The following MALT1 variants were observed in gnomAD, a reference collection of about 807,000 sequenced individuals.
MALT1 encodes the protein mucosa-associated lymphoid tissue lymphoma translocation protein 1.
MALT1 carries 36 observed loss-of-function variants against 85.5 expected under a neutral mutation model. The ratio of observed to expected loss-of-function variants is 0.42; its 90% CI spans 0.32 to 0.56. The LOEUF (loss-of-function observed/expected upper bound fraction) is 0.56, where lower values mean the gene tolerates loss of function less well. Ranked by LOEUF, MALT1 falls within the 20% of genes least tolerant of loss-of-function variation. The probability of loss-of-function intolerance (pLI) is 0.10; values close to 1 mark genes in which losing one functional copy is unlikely to be tolerated. For synonymous variants in MALT1, 359 were observed against 361.3 expected (o/e 0.99, Z 0.07); for missense variants, 716 against 981.6 (o/e 0.73, Z 3.62).
chr18:58,724,894 C>T (rs1432108369), intron 10 of MALT1, among the ~76,000 whole-genome samples: 2 of 151,996 alleles, frequency 1.3e-5, no homozygotes, highest in Non-Finnish European at 2.9e-5. Context: ...TCTGTAATCC[C>T]AGCACTTTGG....
At chr18:58,710,864 T>C in intron 6 of MALT1, 57 bp from the exon 7 acceptor site, 1 of 1,184,282 alleles carries the variant, frequency 8.4e-7, no homozygotes, top group South Asian at 1.3e-5. Context: ...GCTTGACGGC[T>C]GCCCTTCTTA....
In MALT1 at chr18:58,728,537, C is replaced by T. The variant is rs554329101; in HGVS notation, c.1223-4860C>T. Among the ~76,000 whole-genome samples the T allele has an allele frequency of 4.3e-4, 66 of 152,106 alleles. 1 individual carries two copies. The South Asian group carries it at 5.6e-3, about 13-fold the overall frequency. On this transcript the variant is annotated intron_variant, in intron 10 of 16. Coordinates refer to ENST00000649217, the MANE Select transcript of MALT1 (RefSeq NM_006785.4). ...GGAGGATAGCTTGAGCCTGTGAGGT[C>T]GAAGCTGCAGTGAGCTGTGATCACA...
At chr18:58,747,326 T>G in intron 16 of MALT1, 79 bp from the exon 17 acceptor site, 4 of 866,000 alleles carry the variant, frequency 4.6e-6, no homozygotes, top group African/African-American at 1.7e-5. Flanking sequence ...GGGGTGGGGG[T>G]GTGTATGTGT....
intron 9 of MALT1, 96 bp downstream of exon 9, chr18:58,716,063 G>A (rs2144403655): frequency 2.2e-6 from 2 of 890,426 alleles, no homozygotes; most frequent in South Asian, 1.5e-5. Flanking sequence ...TTAAAGAAAT[G>A]TGAATAACAT....
In MALT1 at chr18:58,671,467, A is replaced by G; in HGVS notation, c.-177A>G. 2.5e-6 allele frequency: 1 copy of G among 404,280 alleles called. No individual in the cohort carries two copies. The highest frequency in any genetic ancestry group is 4.1e-6 in the Non-Finnish European group (1 of 242,556). The allele number at this position is 404,280 out of a possible 1,614,324, so 25.0% of individuals were successfully genotyped here. A position where few individuals can be genotyped will look rare whatever the true frequency, so the allele number is the denominator to read the frequency against. On this transcript the variant is annotated 5_prime_UTR_variant, in exon 1 of 17. Coordinates refer to ENST00000649217, the MANE Select transcript of MALT1 (RefSeq NM_006785.4). ...CAGCAGGCCAGGCTCCCCTCGGCAA[A>G]CCTGTCTAATTGGGGCGGGGAGCGG... is the stretch of plus-strand genomic sequence containing the variant.
At chr18:58,746,852 C>A (rs576903417) in intron 16 of MALT1, among the ~76,000 whole-genome samples, 1 of 152,020 alleles carries the variant, frequency 6.6e-6, no homozygotes, top group African/African-American at 2.4e-5. Context: ...CTCAGCCTCC[C>A]GAGTAGCCAG....
intron 2 of MALT1, chr18:58,692,220 G>T (rs1014322819): frequency 3.9e-5 from 6 of 152,160 alleles, no homozygotes; most frequent in African/African-American, 1.4e-4. Flanking sequence ...AGAGGGCCTG[G>T]GGTCCCCCTG....
intron 1 of MALT1, among the ~76,000 whole-genome samples, chr18:58,675,043 C>G (rs1189887747): frequency 1.3e-5 from 2 of 152,212 alleles, no homozygotes; most frequent in African/African-American, 4.8e-5. Flanking sequence ...CTTAGTTCCC[C>G]ACAACCATGT....
At chr18:58,738,306 A>G (rs1197393289) in intron 13 of MALT1, among the ~76,000 whole-genome samples, 3 of 152,058 alleles carry the variant, frequency 2.0e-5, no homozygotes, top group South Asian at 2.1e-4. Context: ...ATTGATCCCT[A>G]TTGTTGCATG....
chr18:58,741,835 A>T (rs1169500092), intron 13 of MALT1, 30 bp from the exon 14 acceptor site: 2 of 1,367,736 alleles, frequency 1.5e-6, no homozygotes, highest in East Asian at 4.7e-5. Flanking sequence ...TGGTGGTCTT[A>T]AAAATAATAT....
At chr18:58,688,509 G>C (rs1029561007) in intron 2 of MALT1, among the ~76,000 whole-genome samples, 15 of 135,994 alleles carry the variant, frequency 1.1e-4, no homozygotes, top group African/African-American at 4.1e-4. Flanking sequence ...AGGCCAACCT[G>C]GGCAACATAA....
Position 58,747,883 on chromosome 18 carries a change from T to C in MALT1, c.*41T>C, listed in dbSNP as rs1568159512. 2 of 1,514,434 alleles carry C rather than the reference T, an allele frequency of 1.3e-6. No individual in the cohort carries two copies. The highest frequency in any genetic ancestry group is 1.8e-6 in the Non-Finnish European group (2 of 1,099,778). The allele number at this position is 1,514,434 out of a possible 1,614,324, so 93.8% of individuals were successfully genotyped here. A position where few individuals can be genotyped will look rare whatever the true frequency, so the allele number is the denominator to read the frequency against. ...AAGTTAGCATAATTTTAGATGCCTG[T>C]GAAATAGTACTGCACTTACATAAAG... On this transcript the variant is annotated 3_prime_UTR_variant, in exon 17 of 17. Coordinates refer to ENST00000649217, the MANE Select transcript of MALT1 (RefSeq NM_006785.4).
rs1414169412 is a variant in MALT1 at position 58,750,413 on chromosome 18, T to C, written c.*2571T>C. On this transcript the variant is annotated 3_prime_UTR_variant, in exon 17 of 17. Coordinates refer to ENST00000649217, the MANE Select transcript of MALT1 (RefSeq NM_006785.4). ...GAAATTGACAAACTGGTAAAATTGG[T>C]AGGGAAACGCAGGGGACCCAGAATA... The C allele has an allele frequency of 6.6e-6, 1 of 152,268 alleles. No homozygotes were observed. Among genetic ancestry groups the C allele is most frequent in the Admixed American group, 6.5e-5 (1 of 15,280 alleles). The allele number at this position is 152,268 out of a possible 1,614,324, so 9.4% of individuals were successfully genotyped here. A position where few individuals can be genotyped will look rare whatever the true frequency, so the allele number is the denominator to read the frequency against.
chr18:58,700,025 G>A (rs140660313), intron 3 of MALT1, among the ~76,000 whole-genome samples: 28 of 152,344 alleles, frequency 1.8e-4, no homozygotes, highest in African/African-American at 6.7e-4. Flanking sequence ...AGCTAATGTG[G>A]TCAGAGCTGA....
At chr18:58,738,014 T>C (rs915823187) in intron 13 of MALT1, among the ~76,000 whole-genome samples, 1 of 152,176 alleles carries the variant, frequency 6.6e-6, no homozygotes, top group East Asian at 1.9e-4. Context: ...TTATTAGAAG[T>C]GTTGAACATA....
intron 10 of MALT1, among the ~76,000 whole-genome samples, chr18:58,729,166 T>C (rs1205652584): frequency 1.3e-5 from 2 of 152,060 alleles, no homozygotes; most frequent in African/African-American, 4.8e-5. Context: ...TAATAGTGAA[T>C]AAAGATCATG....
At chr18:58,733,983 T>C in intron 11 of MALT1, 1 of 1,165,474 alleles carries the variant, frequency 8.6e-7, no homozygotes. Flanking sequence ...GTTTGGAGGT[T>C]TGGATCCCAT....
At chr18:58,674,163 G>C (rs1256734945) in intron 1 of MALT1, 1 of 152,236 alleles carries the variant, frequency 6.6e-6, no homozygotes, top group East Asian at 1.9e-4. Flanking sequence ...GCAAGGCCCT[G>C]CCAGGGAAGA....
chr18:58,737,297 T>C (rs533847738), intron 13 of MALT1, among the ~76,000 whole-genome samples: 2 of 152,028 alleles, frequency 1.3e-5, no homozygotes, highest in African/African-American at 2.4e-5. Context: ...CTAGGCAACA[T>C]TGTCAGACCC....
Sources: gnomAD v4.1 joint callset for allele counts (sites outside exome capture counted in the v4.1 genomes callset) on GRCh38, gnomAD v4.1.1 for gene constraint, MANE v1.5 for transcripts, NCBI Gene and HGNC (gene_info 2026-07-23, HGNC 2026-07-21) for gene names.